VAV2: variants seen among roughly 807,000 people sequenced by gnomAD.
The protein encoded by VAV2 is vav guanine nucleotide exchange factor 2, also known as guanine nucleotide exchange factor VAV2.
In VAV2, 67 loss-of-function variants were observed where a neutral mutation model predicts 132.5. The ratio of observed to expected loss-of-function variants is 0.51; its 90% CI spans 0.42 to 0.62. The LOEUF (loss-of-function observed/expected upper bound fraction) is 0.62, where lower values mean the gene tolerates loss of function less well. Among genes scored for constraint, VAV2 ranks in the 20% least tolerant of loss-of-function variants. The pLI is 0.00. For synonymous variants in VAV2, 492 were observed against 443.5 expected (o/e 1.11, Z -1.37); for missense variants, 938 against 1,153.6 (o/e 0.81, Z 2.71).
At chr9:133,954,715 C>T (rs914690436) in intron 1 of VAV2, among the ~76,000 whole-genome samples, 4 of 152,174 alleles carry the variant, frequency 2.6e-5, no homozygotes, top group Non-Finnish European at 5.9e-5. Context: ...CATGCACATA[C>T]ATGTGGGGGT....
intron 12 of VAV2, among the ~76,000 whole-genome samples, chr9:133,793,729 T>C (rs1203228138): frequency 1.3e-5 from 2 of 152,162 alleles, no homozygotes; most frequent in African/African-American, 2.4e-5. Flanking sequence ...AGTCAGCTCA[T>C]GGAGCTTGGA....
intron 9 of VAV2, among the ~76,000 whole-genome samples, 175 bp from the exon 10 acceptor site, chr9:133,797,984 C>T (rs531904715): frequency 3.3e-5 from 5 of 152,342 alleles, no homozygotes; most frequent in African/African-American, 7.2e-5. Context: ...CTCCCCTTCC[C>T]GAAGCTACCG....
intron 1 of VAV2, among the ~76,000 whole-genome samples, chr9:133,950,707 C>T (rs533559674): frequency 1.3e-5 from 2 of 152,220 alleles, no homozygotes; most frequent in Non-Finnish European, 2.9e-5. Flanking sequence ...CCCAGACGCA[C>T]GCCTGCGCCT....
intron 1 of VAV2, among the ~76,000 whole-genome samples, chr9:133,982,166 G>C (rs1265847077): frequency 1.3e-5 from 2 of 152,218 alleles, no homozygotes; most frequent in African/African-American, 4.8e-5. Context: ...TTCCCCTCCA[G>C]GGAACTGCAG....
rs772034314 is a variant in VAV2 at position 133,770,434 on chromosome 9, T to C, written c.2291A>G (p.Lys764Arg). The C allele has an allele frequency of 6.2e-7, 1 of 1,614,182 alleles. No homozygotes were observed. Among genetic ancestry groups the C allele is most frequent in the South Asian group, 1.1e-5 (1 of 91,086 alleles). Residue 764 changes from lysine to arginine, a missense_variant, in exon 27 of 30, where the codon AAG becomes AGG. By Grantham distance (26) the Lys-to-Arg change is conservative. Coordinates refer to ENST00000371850, the MANE Select transcript of VAV2 (RefSeq NM_001134398.2). ...ESFKQLDTTL[K>R]YPYKSRERSA... is the part of the protein sequence containing the mutation. ...ACGTTCCCGGGACTTGTAGGGGTAC[T>C]TGAGTGTGGTGTCCAGCTGCTTGAA...
intron 3 of VAV2, among the ~76,000 whole-genome samples, chr9:133,847,981 A>G (rs1287738795): frequency 3.3e-5 from 5 of 152,232 alleles, no homozygotes; most frequent in African/African-American, 1.2e-4. Context: ...CCTCATGTAA[A>G]GATCCAAAAC....
Position 133,952,297 on chromosome 9 carries a change from G to A in VAV2, c.205-13078C>T, listed in dbSNP as rs148104816. 6.5e-3 allele frequency among the ~76,000 whole-genome samples: 983 copies of A among 152,148 alleles called. 15 individuals carry two copies. The highest frequency in any genetic ancestry group is 0.023 in the African/African-American group (934 of 41,494). ...CTTACTTGGAAAAACAGTGTTTGCA[G>A]GTAAAATTAAATTGATGCTCTCAAG... On this transcript the variant is annotated intron_variant, in intron 1 of 29. Transcript: ENST00000371850.
At chr9:133,838,955 G>A (rs1472664996) in intron 3 of VAV2, among the ~76,000 whole-genome samples, 1 of 135,990 alleles carries the variant, frequency 7.4e-6, no homozygotes, top group African/African-American at 2.7e-5. Flanking sequence ...GGGGTGGGTG[G>A]GTAGGTGGGT....
At chr9:133,905,433 CAAAAA>C (rs5901029) in intron 2 of VAV2, among the ~76,000 whole-genome samples, 5 of 113,286 alleles carry the variant, frequency 4.4e-5, no homozygotes, top group South Asian at 3.1e-4. Context: ...GAAACTGTCT[CAAAAA>C]AAAAAAAAAA....
chr9:133,870,973 T>A (rs1408503429), intron 2 of VAV2, among the ~76,000 whole-genome samples: 1 of 85,574 alleles, frequency 1.2e-5, no homozygotes, highest in African/African-American at 4.6e-5. Context: ...GGTGGGTGGG[T>A]AGATGGATGG....
chr9:133,849,219 A>T (rs1039895949), intron 3 of VAV2, among the ~76,000 whole-genome samples: 1 of 152,192 alleles, frequency 6.6e-6, no homozygotes, highest in Non-Finnish European at 1.5e-5. Context: ...CCATGCTATT[A>T]TACTTGGGAC....
At chr9:133,953,058 G>A (rs1384793422) in intron 1 of VAV2, among the ~76,000 whole-genome samples, 11 of 152,162 alleles carry the variant, frequency 7.2e-5, no homozygotes, top group Middle Eastern at 3.4e-3. Flanking sequence ...AGAACCTGGA[G>A]GGAGCACGGC....
At position 133,938,346 on chromosome 9, in the gene VAV2, C is replaced by A. The variant is rs115254107; in HGVS notation, c.321+757G>T. 2.5e-3 allele frequency among the ~76,000 whole-genome samples: 388 copies of A among 152,304 alleles called. 2 individuals carry two copies. The highest frequency in any genetic ancestry group is 9.0e-3 in the African/African-American group (376 of 41,564). On this transcript the variant is annotated intron_variant, in intron 2 of 29. Transcript: ENST00000371850. Reference sequence around the variant, plus strand: ...GAAGCTATTGAGACCCTGATCCCATCCATTTAAAAAGAGTAACCGTGGAGC... The same window carrying A: ...GAAGCTATTGAGACCCTGATCCCATACATTTAAAAAGAGTAACCGTGGAGC...
chr9:133,821,267 A>T (rs3858103), intron 4 of VAV2, among the ~76,000 whole-genome samples: 31,071 of 152,190 alleles, frequency 0.2, 3,918 homozygotes, highest in African/African-American at 0.35. Context: ...TCCACAGAGC[A>T]GGCCAGTCCT....
In VAV2 at chr9:133,800,890, A is replaced by G. The variant is rs12554184; in HGVS notation, c.837-3081T>C. 7.8e-3 allele frequency among the ~76,000 whole-genome samples: 1,181 copies of G among 152,280 alleles called. 26 individuals are homozygous for G. The highest frequency in any genetic ancestry group is 0.043 in the Admixed American group (664 of 15,302). ...TCGTCTGTCAAAACTCTTCCCTATCATTGCCCCTTCTTCACTTCAACCCCT... is the reference window on the plus strand; with the variant it reads ...TCGTCTGTCAAAACTCTTCCCTATCGTTGCCCCTTCTTCACTTCAACCCCT... On this transcript the variant is annotated intron_variant, in intron 9 of 29. Coordinates refer to ENST00000371850, the MANE Select transcript of VAV2 (RefSeq NM_001134398.2).
intron 1 of VAV2, among the ~76,000 whole-genome samples, chr9:133,977,106 C>T (rs1043249844): frequency 8.5e-5 from 13 of 152,170 alleles, no homozygotes; most frequent in Non-Finnish European, 1.3e-4. Context: ...CACGCCCAGC[C>T]GCCCTGCCCC....
At chr9:133,964,806 C>T (rs1232328819) in intron 1 of VAV2, among the ~76,000 whole-genome samples, 1 of 152,122 alleles carries the variant, frequency 6.6e-6, no homozygotes, top group Admixed American at 6.6e-5. Context: ...AATCTAGGTA[C>T]AGAAGGAGCA....
chr9:133,835,520 C>T (rs917362518), intron 3 of VAV2, among the ~76,000 whole-genome samples: 43 of 152,204 alleles, frequency 2.8e-4, no homozygotes, highest in Admixed American at 1.1e-3. Context: ...AGAGGAGACA[C>T]GAAAGGCCCC....
At chr9:133,932,957 G>A (rs549471117) in intron 2 of VAV2, among the ~76,000 whole-genome samples, 13 of 152,358 alleles carry the variant, frequency 8.5e-5, no homozygotes, top group South Asian at 6.2e-4. Flanking sequence ...CTGGGTTAAG[G>A]AAACCCTCTA....
Sources: allele counts gnomAD v4.1 joint callset (sites outside exome capture counted in the v4.1 genomes callset), GRCh38; gene constraint gnomAD v4.1.1; transcripts MANE v1.5; gene names NCBI Gene and HGNC (gene_info 2026-07-23, HGNC 2026-07-21).